Variants in ADAMTS17 observed in about 807,000 individuals in gnomAD.
The protein encoded by ADAMTS17 is ADAM metallopeptidase with thrombospondin type 1 motif 17.
A neutral mutation model predicts 141.5 loss-of-function variants in ADAMTS17; 113 were observed. That is an observed-to-expected ratio of 0.80 (90% CI 0.69 to 0.93). ADAMTS17 has a LOEUF of 0.93. Among genes scored for constraint, ADAMTS17 ranks in the 40% least tolerant of loss-of-function variants. The pLI, the probability that ADAMTS17 is intolerant of heterozygous loss-of-function variation, is 0.00. For synonymous variants in ADAMTS17, 768 were observed against 630.6 expected (o/e 1.22, Z -3.27); for missense variants, 1,659 against 1,517.9 (o/e 1.09, Z -1.54).
At chr15:100,283,232 T>C (rs1567483897) in intron 3 of ADAMTS17, among the ~76,000 whole-genome samples, 3 of 152,228 alleles carry the variant, frequency 2.0e-5, no homozygotes, top group Admixed American at 1.3e-4. Flanking sequence ...CCATCTCCCC[T>C]GAAGCCTTCC....
chr15:100,292,124 C>T (rs1264324076), intron 3 of ADAMTS17, among the ~76,000 whole-genome samples: 1 of 150,016 alleles, frequency 6.7e-6, no homozygotes, highest in Non-Finnish European at 1.5e-5. Flanking sequence ...TCACGAGAGA[C>T]GCTCAGCCCG....
intron 17 of ADAMTS17, 154 bp downstream of exon 17, chr15:100,051,418 G>C: frequency 1.7e-6 from 2 of 1,155,206 alleles, no homozygotes; most frequent in Middle Eastern, 5.6e-4. Flanking sequence ...CTCTGTCCAA[G>C]TATTCTGCAG....
chr15:100,046,720 T>C (rs1052764477), intron 18 of ADAMTS17, among the ~76,000 whole-genome samples: 4 of 152,220 alleles, frequency 2.6e-5, no homozygotes, highest in Admixed American at 2.6e-4. Context: ...AATACCCTTG[T>C]GATTTCCTAT....
chr15:100,074,041 A>G (rs963461481), intron 15 of ADAMTS17: 1 of 152,478 alleles, frequency 6.6e-6, no homozygotes, highest in African/African-American at 2.4e-5. Context: ...TCACAATAAT[A>G]TCTACCACAG....
At chr15:100,303,099 A>C (rs1034267725) in intron 3 of ADAMTS17, among the ~76,000 whole-genome samples, 1 of 147,080 alleles carries the variant, frequency 6.8e-6, no homozygotes, top group Non-Finnish European at 1.5e-5. Flanking sequence ...CCCTTTATAT[A>C]TATAAAATAT....
rs112685573 is a variant in ADAMTS17, at chr15:100,038,213, C to T, written c.2591+10644G>A. Among the ~76,000 whole-genome samples, 10 of 152,312 alleles carry T rather than the reference C, an allele frequency of 6.6e-5. 1 individual carries two copies. The highest frequency in any genetic ancestry group is 1.2e-4 in the African/African-American group (5 of 41,578). ...ATTTATTTCTGGACTGTCAGTTATACGCCATTGTTCTTTATGTCTATCCTT... is the reference window on the plus strand; with the variant it reads ...ATTTATTTCTGGACTGTCAGTTATATGCCATTGTTCTTTATGTCTATCCTT... On this transcript the variant is annotated intron_variant, in intron 18 of 21. Coordinates refer to ENST00000268070, the MANE Select transcript of ADAMTS17 (RefSeq NM_139057.4).
intron 3 of ADAMTS17, among the ~76,000 whole-genome samples, chr15:100,308,408 C>A (rs540985666): frequency 6.6e-6 from 1 of 152,280 alleles, no homozygotes; most frequent in South Asian, 2.1e-4. Flanking sequence ...GGAACACCAT[C>A]GTTCACTCGC....
At chr15:100,138,468 G>A (rs181868743) in intron 10 of ADAMTS17, among the ~76,000 whole-genome samples, 89 of 152,290 alleles carry the variant, frequency 5.8e-4, no homozygotes, top group African/African-American at 1.9e-3. Context: ...TAAGAAACTG[G>A]AAATAACATT....
intron 7 of ADAMTS17, among the ~76,000 whole-genome samples, chr15:100,213,726 T>C (rs1222108594): frequency 1.3e-5 from 2 of 152,200 alleles, no homozygotes. Context: ...CATGCCAACA[T>C]AACCTTTGAG....
At chr15:100,148,559 C>T (rs1451420159) in intron 10 of ADAMTS17, among the ~76,000 whole-genome samples, 2 of 151,470 alleles carry the variant, frequency 1.3e-5, no homozygotes, top group Non-Finnish European at 2.9e-5. Context: ...TCTCTGTTGT[C>T]CTTTCACTTA....
chr15:100,264,622 G>A (rs1451721865), intron 4 of ADAMTS17, among the ~76,000 whole-genome samples: 1 of 152,202 alleles, frequency 6.6e-6, no homozygotes, highest in Non-Finnish European at 1.5e-5. Context: ...GTTTCAGGAA[G>A]AACAAAACTG....
intron 20 of ADAMTS17, among the ~76,000 whole-genome samples, chr15:99,985,268 T>C (rs1192830011): frequency 6.6e-6 from 1 of 152,220 alleles, no homozygotes; most frequent in African/African-American, 2.4e-5. Flanking sequence ...CTGGGAGTGA[T>C]GGTGAATGGA....
chr15:100,229,746 A>G (rs1394288532), intron 7 of ADAMTS17, among the ~76,000 whole-genome samples: 1 of 152,214 alleles, frequency 6.6e-6, no homozygotes, highest in African/African-American at 2.4e-5. Context: ...ACTAACTGCA[A>G]AGTTCCCTCT....
At chr15:100,155,851 C>T (rs1596128297) in intron 8 of ADAMTS17, among the ~76,000 whole-genome samples, 1 of 152,320 alleles carries the variant, frequency 6.6e-6, no homozygotes, top group East Asian at 1.9e-4. Context: ...CTTCCCTATT[C>T]AGCTATACCT....
At chr15:100,163,566 G>A (rs993280482) in intron 8 of ADAMTS17, among the ~76,000 whole-genome samples, 1 of 152,266 alleles carries the variant, frequency 6.6e-6, no homozygotes. Flanking sequence ...GTTCACTGCA[G>A]CCTCAAACTC....
At chr15:100,163,402 G>T (rs541597137) in intron 8 of ADAMTS17, among the ~76,000 whole-genome samples, 2 of 152,062 alleles carry the variant, frequency 1.3e-5, no homozygotes, top group African/African-American at 4.8e-5. Context: ...CCCATGCTGA[G>T]GGTGACTCTG....
chr15:100,009,527 T>C lies in ADAMTS17; in HGVS notation c.2592-11938A>G, dbSNP rs2061115803. Among the ~76,000 whole-genome samples the C allele has an allele frequency of 3.9e-5, 6 of 152,228 alleles. No individual in the cohort carries two copies. In the South Asian group the frequency reaches 1.0e-3, roughly 26 times the overall value. ...GGGAGTCTGTGCTCAAGCCTCAGTTTCCTTCTTTGTGAGATGTTGCTCTCA... is the reference window on the plus strand; with the variant it reads ...GGGAGTCTGTGCTCAAGCCTCAGTTCCCTTCTTTGTGAGATGTTGCTCTCA... On this transcript the variant is annotated intron_variant, in intron 18 of 21. Transcript: ENST00000268070.
At chr15:100,028,838 T>A (rs1199077727) in intron 18 of ADAMTS17, among the ~76,000 whole-genome samples, 1 of 152,256 alleles carries the variant, frequency 6.6e-6, no homozygotes, top group Non-Finnish European at 1.5e-5. Flanking sequence ...TTTACCCTCC[T>A]TCTCCTTTTT....
intron 15 of ADAMTS17, among the ~76,000 whole-genome samples, chr15:100,094,911 T>C (rs1439259381): frequency 2.0e-5 from 3 of 152,218 alleles, no homozygotes; most frequent in Non-Finnish European, 2.9e-5. Context: ...GCTCTGGAGC[T>C]GTGCTGTCCA....
Sources: gnomAD v4.1 joint callset for allele counts (sites outside exome capture counted in the v4.1 genomes callset) on GRCh38, gnomAD v4.1.1 for gene constraint, MANE v1.5 for transcripts, NCBI Gene and HGNC (gene_info 2026-07-23, HGNC 2026-07-21) for gene names.